The following SUPT6H variants were observed in gnomAD, a reference collection of about 807,000 sequenced individuals.
The protein encoded by SUPT6H is transcription elongation factor SPT6.
In SUPT6H, 11 loss-of-function variants were observed where a neutral mutation model predicts 222.3. That is an observed-to-expected ratio of 0.05 (90% CI 0.03 to 0.08). The LOEUF is 0.08. Among genes scored for constraint, SUPT6H ranks in the 10% least tolerant of loss-of-function variants. The pLI, the probability that SUPT6H is intolerant of heterozygous loss-of-function variation, is 1.00. For missense variants in SUPT6H, 1,422 were observed against 2,216.0 expected, an observed-to-expected ratio of 0.64 and a Z score of 7.19; for synonymous variants, 762 against 801.2, an observed-to-expected ratio of 0.95 and a Z score of 0.83.
chr17:28,690,304 C>T (rs2031581310), intron 26 of SUPT6H, 75 bp downstream of exon 26: 1 of 1,555,526 alleles, frequency 6.4e-7, no homozygotes. Flanking sequence ...AGCAGCAGTT[C>T]CAACAGATTG....
chr17:28,676,594 C>G (rs2030761088), intron 7 of SUPT6H, among the ~76,000 whole-genome samples, 164 bp downstream of exon 7: 1 of 152,214 alleles, frequency 6.6e-6, no homozygotes, highest in African/African-American at 2.4e-5. Context: ...TAGACTCTAC[C>G]TTGCTTACGG....
intron 29 of SUPT6H, among the ~76,000 whole-genome samples, chr17:28,696,264 TACA>T: frequency 7.8e-6 from 1 of 128,358 alleles, no homozygotes; most frequent in Admixed American, 8.7e-5. Context: ...ACCACTACAG[TACA>T]ACGTGGGTGA....
At chr17:28,666,404 G>A (rs149372522) in intron 1 of SUPT6H, among the ~76,000 whole-genome samples, 7 of 152,238 alleles carry the variant, frequency 4.6e-5, no homozygotes, top group Admixed American at 2.0e-4. Context: ...GGAACTATGC[G>A]CTCCTCAATG....
Position 28,688,249 on chromosome 17 carries a change from GAATTCCCTT to G in SUPT6H, c.3134+32_3134+40del. The stretch of plus-strand genomic sequence containing the variant: ...GCCCTCTGCCTGGATGGGGCAGGAG[GAATTCCCTT>G]GTGGGCTTTGTTTTCGGGTTTCAGG... On this transcript the variant is annotated intron_variant, in intron 24 of 36. Transcript: ENST00000314616. This position sits in a 1 kb window ranked among gnomAD's most constrained non-coding sequence, Gnocchi z 4.3. 2 of 1,604,430 alleles carry G rather than the reference GAATTCCCTT, an allele frequency of 1.2e-6. No individual in the cohort carries two copies. Among genetic ancestry groups the G allele is most frequent in the South Asian group, 2.2e-5 (2 of 90,138 alleles).
chr17:28,685,585 G>T (rs1326501620), intron 19 of SUPT6H, among the ~76,000 whole-genome samples: 1 of 151,764 alleles, frequency 6.6e-6, no homozygotes, highest in Non-Finnish European at 1.5e-5. Context: ...TGCTTCCCAG[G>T]CTCAAGTGAT....
chr17:28,682,095 A>G (rs1419940420), intron 13 of SUPT6H, 115 bp downstream of exon 13: 17 of 748,914 alleles, frequency 2.3e-5, no homozygotes, highest in African/African-American at 3.5e-5. Context: ...CACCAATCCA[A>G]TCCTGAACTA....
chr17:28,670,946 T>G (rs2030378880), intron 1 of SUPT6H: 1 of 151,958 alleles, frequency 6.6e-6, no homozygotes, highest in South Asian at 2.1e-4. Flanking sequence ...TAGCAGAGTA[T>G]ATGTACATTG....
chr17:28,690,307 A>G (rs1307508415), intron 26 of SUPT6H, 78 bp downstream of exon 26: 8 of 1,552,204 alleles, frequency 5.2e-6, no homozygotes, highest in African/African-American at 1.4e-5. Flanking sequence ...AGCAGTTCCA[A>G]CAGATTGAGG....
Position 28,701,494 on chromosome 17 carries a change from G to C in SUPT6H, c.5050G>C (p.Glu1684Gln). 6.2e-7 allele frequency: 1 copy of C among 1,614,160 alleles called. No individual in the cohort carries two copies. The stretch of plus-strand genomic sequence containing the variant: ...AAAAATGGCGGAGCAGTGGCTGCAG[G>C]AAAAGGAGGCAGAACGGCGGAAACA... ...WGKMAEQWLQ[E>Q]KEAERRKQKQ... The change falls in exon 37 of 37, where the codon GAA (glutamate) becomes CAA (glutamine). Residue 1684 changes from glutamate to glutamine, a missense_variant. By Grantham distance (29) the Glu-to-Gln change is conservative. Around this residue, in one of 13 missense-constraint regions of SUPT6H, gnomAD observed 395 missense variants for 580.6 expected, o/e 0.68. Transcript: ENST00000314616.
At position 28,688,210 on chromosome 17, in the gene SUPT6H, G is replaced by T. The variant is rs748430520; in HGVS notation, c.3126G>T (p.Leu1042=). 4.3e-6 allele frequency: 7 copies of T among 1,613,248 alleles called. No individual in the cohort carries two copies. In the Admixed American group the frequency reaches 1.2e-4, roughly 27 times the overall value. Reference sequence around the variant, plus strand: ...TCCTCAAGATCGACACGGCCTCCCTGGGGGACAGGTGATGCCCTCTGCCTG... The same window carrying T: ...TCCTCAAGATCGACACGGCCTCCCTTGGGGACAGGTGATGCCCTCTGCCTG... The part of the protein sequence containing the change: ...AGFLKIDTAS[L]GDSTDSYIEV... The change falls in exon 24 of 37, where the codon CTG becomes CTT. Residue 1042 remains leucine, a synonymous_variant. Coordinates refer to ENST00000314616, the MANE Select transcript of SUPT6H (RefSeq NM_003170.5). This position sits in a 1 kb window ranked among gnomAD's most constrained non-coding sequence, Gnocchi z 4.3.
chr17:28,682,310 G>C (rs1204417665), intron 13 of SUPT6H: 1 of 291,956 alleles, frequency 3.4e-6, no homozygotes, highest in Non-Finnish European at 6.5e-6. Flanking sequence ...ACCTGGTCCT[G>C]CTCATTTATG....
At chr17:28,684,381 A>G (rs2031276602) in intron 17 of SUPT6H, among the ~76,000 whole-genome samples, 1 of 152,192 alleles carries the variant, frequency 6.6e-6, no homozygotes, top group Non-Finnish European at 1.5e-5. Flanking sequence ...TTCTTTGTTT[A>G]TATCACTGTT....
rs780033770 is a variant in SUPT6H at position 28,687,280 on chromosome 17, C to T, written c.2839-24C>T. 4 of 1,614,158 alleles carry T rather than the reference C, an allele frequency of 2.5e-6. No individual in the cohort carries two copies. The Admixed American group carries it at 6.7e-5, about 27-fold the overall frequency. ...TGAAGGGAAAGGCAGAGTAACCTTA[C>T]TCCTGCCTGCTGAATGTCCACAGGA... On this transcript the variant is annotated intron_variant, in intron 22 of 36. Transcript: ENST00000314616.
chr17:28,698,610 C>T (rs2032018689), intron 32 of SUPT6H, among the ~76,000 whole-genome samples: 1 of 152,258 alleles, frequency 6.6e-6, no homozygotes, highest in African/African-American at 2.4e-5. Flanking sequence ...CTTAGACTGG[C>T]GTCTTTGTGT....
In SUPT6H at chr17:28,684,746, C is replaced by G. The variant is rs200813508; in HGVS notation, c.2369+21C>G. On this transcript the variant is annotated intron_variant, in intron 18 of 36. Coordinates refer to ENST00000314616, the MANE Select transcript of SUPT6H (RefSeq NM_003170.5). Reference sequence around the variant, plus strand: ...GCCAGGTAACAGCCTATTTTTGCCTCCCCAGCACCATCTCTTGTCTTCCTA... The same window carrying G: ...GCCAGGTAACAGCCTATTTTTGCCTGCCCAGCACCATCTCTTGTCTTCCTA... 3.5e-5 allele frequency: 56 copies of G among 1,613,720 alleles called. No homozygotes were observed. The African/African-American group carries it at 7.3e-4, about 21-fold the overall frequency.
At chr17:28,686,509 G>A in intron 20 of SUPT6H, 94 bp downstream of exon 20, 2 of 1,543,394 alleles carry the variant, frequency 1.3e-6, no homozygotes, top group South Asian at 2.3e-5. Flanking sequence ...GATGGGGCTT[G>A]TGCTTGTGCA....
chr17:28,671,092 G>A (rs1350466947), intron 1 of SUPT6H: 2 of 152,076 alleles, frequency 1.3e-5, no homozygotes, highest in African/African-American at 2.4e-5. Context: ...TTATAGTATT[G>A]ATTGAGCTCC....
At chr17:28,669,808 C>T (rs370543429) in intron 1 of SUPT6H, among the ~76,000 whole-genome samples, 11 of 152,156 alleles carry the variant, frequency 7.2e-5, no homozygotes, top group East Asian at 1.9e-4. Flanking sequence ...TGGTGGCGAG[C>T]GCCTGTAGTC....
chr17:28,683,907 C>T, intron 17 of SUPT6H, 91 bp downstream of exon 17: 1 of 1,242,568 alleles, frequency 8.0e-7, no homozygotes, highest in Non-Finnish European at 1.1e-6. Context: ...GCAATCTTGG[C>T]TCACTGCAAG....
Sources: gnomAD v4.1 joint callset for allele counts (sites outside exome capture counted in the v4.1 genomes callset) on GRCh38, gnomAD v4.1.1 for gene constraint, gnomAD v4.1.1 regional missense constraint, Gnocchi (gnomAD v3.1) non-coding constraint, MANE v1.5 for transcripts, NCBI Gene and HGNC (gene_info 2026-07-23, HGNC 2026-07-21) for gene names.